Variants in MKRN2OS observed in about 807,000 individuals in gnomAD.
MKRN2OS encodes MKRN2 opposite strand protein.
In MKRN2OS, 17 loss-of-function variants were observed where a neutral mutation model predicts 18.2. The observed-to-expected ratio is 0.93, with a 90% CI of 0.64 to 1.40. The LOEUF (loss-of-function observed/expected upper bound fraction) is 1.40. MKRN2OS is among the 40% of genes most tolerant of loss of function. MKRN2OS has a pLI of 0.00. For synonymous variants in MKRN2OS, 121 were observed against 108.5 expected (o/e 1.12, Z -0.72); for missense variants, 337 against 283.0 (o/e 1.19, Z -1.37).
chr3:12,557,242 A>G, intron 1 of MKRN2OS: 1 of 1,509,868 alleles, frequency 6.6e-7, no homozygotes, highest in East Asian at 2.7e-5. Flanking sequence ...GGTGCGCGCC[A>G]GTGCTGTGGT....
intron 1 of MKRN2OS, among the ~76,000 whole-genome samples, chr3:12,544,039 C>T (rs2057852788): frequency 6.6e-6 from 1 of 152,156 alleles, no homozygotes; most frequent in African/African-American, 2.4e-5. Flanking sequence ...TGGCTGCCTC[C>T]CTGAGCAAGG....
intron 1 of MKRN2OS, among the ~76,000 whole-genome samples, chr3:12,544,947 G>C (rs1034212586): frequency 6.6e-6 from 1 of 152,204 alleles, no homozygotes; most frequent in Non-Finnish European, 1.5e-5. Context: ...GATAAGATTA[G>C]CTGCTGGGTC....
At position 12,540,123 on chromosome 3, in the gene MKRN2OS, A is replaced by G. The variant is rs2057773061; in HGVS notation, c.*70T>C. The G allele has an allele frequency of 6.6e-7, 1 of 1,524,324 alleles. No homozygotes were observed. Among genetic ancestry groups the G allele is most frequent in the African/African-American group, 1.4e-5 (1 of 72,676 alleles). The allele number at this position is 1,524,324 out of a possible 1,614,324, so 94.4% of individuals were successfully genotyped here. A position where few individuals can be genotyped will look rare whatever the true frequency, so the allele number is the denominator to read the frequency against. On this transcript the variant is annotated 3_prime_UTR_variant, in exon 4 of 4. Transcript: ENST00000564146. ...ATTAACCACAGTTAAATGCATTTAG[A>G]AATCCATAGTACTGATTAAAGGTAG... is the stretch of plus-strand genomic sequence containing the variant.
chr3:12,540,195 A>G lies in MKRN2OS; in HGVS notation c.670T>C (p.Ter224ArgextTer12). ...TCCAGGCTGCGCTTACATAGCTCTC[A>G]GCACAAACCGCCGCCCTCAGGGGGT... ...AQPPEGGGLC[*>R] The change falls in exon 4 of 4, where the codon TGA becomes CGA. Residue 224 changes from the stop codon to arginine, a stop_lost. Coordinates refer to ENST00000564146, the MANE Select transcript of MKRN2OS (RefSeq NM_001195279.2). 6.5e-7 allele frequency: 1 copy of G among 1,536,136 alleles called. No individual in the cohort carries two copies. The highest frequency in any genetic ancestry group is 8.7e-7 in the Non-Finnish European group (1 of 1,146,890).
intron 3 of MKRN2OS, among the ~76,000 whole-genome samples, chr3:12,541,141 A>G (rs1353719713): frequency 6.6e-6 from 1 of 152,156 alleles, no homozygotes; most frequent in African/African-American, 2.4e-5. Flanking sequence ...TATACGTCTT[A>G]CAAAATGTTG....
At chr3:12,557,261 C>G in intron 1 of MKRN2OS, 1 of 1,488,962 alleles carries the variant, frequency 6.7e-7, no homozygotes, top group South Asian at 1.2e-5. Flanking sequence ...GTCCGGGAAC[C>G]TGAGGCTAGA....
chr3:12,540,744 C>T (rs1333693885), intron 3 of MKRN2OS, among the ~76,000 whole-genome samples: 5 of 152,000 alleles, frequency 3.3e-5, no homozygotes, highest in South Asian at 2.1e-4. Flanking sequence ...TGGTGGTGCA[C>T]GCCTGTTGTC....
At chr3:12,544,469 A>T (rs2057858438) in intron 1 of MKRN2OS, among the ~76,000 whole-genome samples, 1 of 151,970 alleles carries the variant, frequency 6.6e-6, no homozygotes, top group Admixed American at 6.6e-5. Flanking sequence ...TGAGGTCAGG[A>T]ATTTGAGCCC....
rs982042111 is a variant in MKRN2OS, at chr3:12,540,238, A to T, written c.627T>A (p.Cys209Ter). ...CAGGGGGTTGTGCCTGCTGCTGGGG[A>T]CAGTCAGTGACGTAGAAGCCATGCT... ...IREHGFYVTD[C>*]PQQQAQPPEG... The change falls in exon 4 of 4, where the codon TGT (cysteine) becomes TGA (stop). Residue 209 changes from cysteine (C) to a stop codon, truncating the protein, a stop_gained. Transcript: ENST00000564146. LOFTEE classifies it low-confidence loss of function (END_TRUNC). 22 of 1,536,074 alleles carry T rather than the reference A, an allele frequency of 1.4e-5. No individual in the cohort carries two copies. Among genetic ancestry groups the T allele is most frequent in the Non-Finnish European group, 1.8e-5 (21 of 1,146,896 alleles).
At chr3:12,558,748 G>A (rs1056108814) in intron 1 of MKRN2OS, among the ~76,000 whole-genome samples, 4 of 152,268 alleles carry the variant, frequency 2.6e-5, no homozygotes, top group Admixed American at 2.6e-4. Flanking sequence ...CCCAAACAGG[G>A]GTGTTCTGTA....
Position 12,540,176 on chromosome 3 carries a change from C to G in MKRN2OS, c.*17G>C. 3 of 1,536,124 alleles carry G rather than the reference C, an allele frequency of 2.0e-6. No homozygotes were observed. Among genetic ancestry groups the G allele is most frequent in the Non-Finnish European group, 2.6e-6 (3 of 1,146,878 alleles). ...ACCACCCTACCCTCCAGCGTCCAGG[C>G]TGCGCTTACATAGCTCTCAGCACAA... On this transcript the variant is annotated 3_prime_UTR_variant, in exon 4 of 4. Transcript: ENST00000564146.
At chr3:12,542,653 A>C (rs762090102) in intron 2 of MKRN2OS, among the ~76,000 whole-genome samples, 14 of 151,060 alleles carry the variant, frequency 9.3e-5, no homozygotes, top group Non-Finnish European at 1.9e-4. Flanking sequence ...GAAGGGTTGC[A>C]CACTGCCCTC....
At chr3:12,543,640 C>CT (rs1286048589) in intron 1 of MKRN2OS, among the ~76,000 whole-genome samples, 1 of 151,706 alleles carries the variant, frequency 6.6e-6, no homozygotes, top group Non-Finnish European at 1.5e-5. Flanking sequence ...AATCTCAGCA[C>CT]TTTGGGAGGC....
intron 1 of MKRN2OS, among the ~76,000 whole-genome samples, chr3:12,543,892 CAAAAAAAA>C (rs10539183): frequency 2.4e-5 from 3 of 127,214 alleles, no homozygotes; most frequent in African/African-American, 8.1e-5. Flanking sequence ...ACCCTGGTCT[CAAAAAAAA>C]AAAAAAAAAT....
chr3:12,557,050 C>T, intron 1 of MKRN2OS: 2 of 1,233,424 alleles, frequency 1.6e-6, no homozygotes, highest in Non-Finnish European at 2.1e-6. Context: ...CGTGCGCCGG[C>T]GTGACGCGGC....
At chr3:12,547,833 T>C (rs41508848), upstream of MKRN2OS, among the ~76,000 whole-genome samples, 1,931 of 152,274 alleles carry the variant, frequency 0.013, 45 homozygotes, top group African/African-American at 0.043. Context: ...TACAGTATGC[T>C]GAAATGCAGA....
chr3:12,548,466 A>T (rs1449791621), upstream of MKRN2OS, among the ~76,000 whole-genome samples: 2 of 113,180 alleles, frequency 1.8e-5, no homozygotes. Flanking sequence ...AAAAAAAAAA[A>T]AAAAAAAAAA....
chr3:12,542,802 C>T lies in MKRN2OS; in HGVS notation c.268+378G>A, dbSNP rs567592630. 1.9e-4 allele frequency among the ~76,000 whole-genome samples: 29 copies of T among 151,542 alleles called. No individual in the cohort carries two copies. The South Asian group carries it at 4.8e-3, about 25-fold the overall frequency. On this transcript the variant is annotated intron_variant, in intron 2 of 3. Transcript: ENST00000564146. ...TAGAATGTGGGGACCCAGTGGTAGT[C>T]GGCTGAGCATAGGATTGGAAGTCAG...
intron 2 of MKRN2OS, among the ~76,000 whole-genome samples, chr3:12,542,416 A>G (rs558218291): frequency 6.6e-6 from 1 of 152,298 alleles, no homozygotes; most frequent in East Asian, 1.9e-4. Flanking sequence ...CCTGCTAAAG[A>G]TGAGTGGTAA....
Sources: gnomAD v4.1 joint callset for allele counts (sites outside exome capture counted in the v4.1 genomes callset) on GRCh38, gnomAD v4.1.1 for gene constraint, MANE v1.5 for transcripts, NCBI Gene and HGNC (gene_info 2026-07-23, HGNC 2026-07-21) for gene names.